The following DNM3 variants were observed in gnomAD, a reference collection of about 807,000 sequenced individuals.
DNM3 encodes dynamin-3.
In DNM3, 47 loss-of-function variants were observed where a neutral mutation model predicts 101.6. The ratio of observed to expected loss-of-function variants is 0.46; its 90% CI spans 0.37 to 0.59. The LOEUF is 0.59. Among genes scored for constraint, DNM3 ranks in the 20% least tolerant of loss-of-function variants. The pLI is 0.00. For synonymous variants in DNM3, 385 were observed against 387.9 expected, an observed-to-expected ratio of 0.99 and a Z score of 0.09; for missense variants, 849 against 1,085.7, an observed-to-expected ratio of 0.78 and a Z score of 3.06.
rs538016440 is a variant in DNM3 at position 172,334,992 on chromosome 1, C to T, written c.1893+11652C>T. 1.2e-4 allele frequency among the ~76,000 whole-genome samples: 18 copies of T among 152,112 alleles called. No individual in the cohort carries two copies. The South Asian group carries it at 1.9e-3, about 16-fold the overall frequency. ...TGTATTTGAGCAAGAGAACAAGATA[C>T]AAAAATAGACTCAGTAAGGAACAGT... On this transcript the variant is annotated intron_variant, in intron 17 of 20. Coordinates refer to ENST00000627582, the MANE Select transcript of DNM3 (RefSeq NM_015569.5).
chr1:172,308,533 T>A (rs772704427), intron 15 of DNM3, among the ~76,000 whole-genome samples, 195 bp from the exon 16 acceptor site: 154 of 152,186 alleles, frequency 1.0e-3, no homozygotes, highest in Admixed American at 3.2e-3. Flanking sequence ...TGTGATTTTT[T>A]AAAAAATTAT....
At chr1:172,373,589 TC>T (rs2068457774) in intron 17 of DNM3, among the ~76,000 whole-genome samples, 1 of 152,138 alleles carries the variant, frequency 6.6e-6, no homozygotes, top group African/African-American at 2.4e-5. Flanking sequence ...TAGTTGTTGA[TC>T]TTTAAGCAAT....
At chr1:171,952,471 G>A (rs1459012125) in intron 2 of DNM3, among the ~76,000 whole-genome samples, 1 of 152,128 alleles carries the variant, frequency 6.6e-6, no homozygotes, top group Non-Finnish European at 1.5e-5. Flanking sequence ...AGTCAGTTGT[G>A]TCTAAACTCT....
chr1:172,171,970 A>G (rs1231132753), intron 14 of DNM3, among the ~76,000 whole-genome samples: 2 of 151,686 alleles, frequency 1.3e-5, no homozygotes, highest in Non-Finnish European at 1.5e-5. Flanking sequence ...GCATCAAAGA[A>G]TGGGACTGGA....
chr1:172,370,588 T>C (rs1269476745), intron 17 of DNM3, among the ~76,000 whole-genome samples: 1 of 151,984 alleles, frequency 6.6e-6, no homozygotes, highest in Non-Finnish European at 1.5e-5. Context: ...GATTATTTTG[T>C]GCCAGGTACT....
intron 18 of DNM3, among the ~76,000 whole-genome samples, chr1:172,382,268 T>C (rs2068950785): frequency 6.6e-6 from 1 of 152,140 alleles, no homozygotes; most frequent in Admixed American, 6.6e-5. Context: ...GCTCAGGACT[T>C]TAAAGCTAAC....
chr1:172,047,020 G>T (rs2049864348), intron 9 of DNM3, among the ~76,000 whole-genome samples: 1 of 138,988 alleles, frequency 7.2e-6, no homozygotes, highest in African/African-American at 2.7e-5. Context: ...GTTATTATAT[G>T]CCTGTAAGAT....
chr1:172,236,023 T>C (rs1370450020), intron 14 of DNM3, among the ~76,000 whole-genome samples: 1 of 152,128 alleles, frequency 6.6e-6, no homozygotes, highest in Non-Finnish European at 1.5e-5. Context: ...CATTGTTAGC[T>C]ATTGGGGCCA....
At chr1:171,854,465 T>C (rs2033353292) in intron 1 of DNM3, among the ~76,000 whole-genome samples, 1 of 152,156 alleles carries the variant, frequency 6.6e-6, no homozygotes, top group Middle Eastern at 3.2e-3. Context: ...AGGTGCAGTG[T>C]TCTGGATGAT....
At chr1:172,233,115 G>A (rs1376236830) in intron 14 of DNM3, among the ~76,000 whole-genome samples, 3 of 152,116 alleles carry the variant, frequency 2.0e-5, no homozygotes, top group Non-Finnish European at 4.4e-5. Context: ...TTTTTGAAAA[G>A]ATCAACAAAA....
At chr1:172,058,790 A>G (rs2050876647) in intron 10 of DNM3, among the ~76,000 whole-genome samples, 1 of 151,784 alleles carries the variant, frequency 6.6e-6, no homozygotes, top group African/African-American at 2.4e-5. Flanking sequence ...AAAGAACTAG[A>G]AAAGCAAGAG....
intron 14 of DNM3, among the ~76,000 whole-genome samples, chr1:172,134,508 G>T (rs1240938965): frequency 6.6e-6 from 1 of 152,138 alleles, no homozygotes; most frequent in Non-Finnish European, 1.5e-5. Context: ...GAGTAACTTA[G>T]CCAGGTGCTA....
chr1:171,952,328 AT>A (rs1323115300), intron 2 of DNM3, among the ~76,000 whole-genome samples: 1 of 152,186 alleles, frequency 6.6e-6, no homozygotes. Flanking sequence ...GAGATAAAAC[AT>A]TTTGATTTTC....
intron 14 of DNM3, among the ~76,000 whole-genome samples, chr1:172,176,187 T>C (rs1159569924): frequency 3.3e-5 from 5 of 151,692 alleles, no homozygotes; most frequent in Admixed American, 1.3e-4. Context: ...AGGCAGTAGA[T>C]TCAGAGTTGA....
intron 4 of DNM3, among the ~76,000 whole-genome samples, chr1:171,999,151 G>A (rs778208961): frequency 6.6e-6 from 1 of 152,102 alleles, no homozygotes; most frequent in African/African-American, 2.4e-5. Flanking sequence ...ATGTAAGCAA[G>A]GAGACCAGTT....
intron 2 of DNM3, among the ~76,000 whole-genome samples, chr1:171,981,194 T>C (rs966608550): frequency 2.6e-5 from 4 of 152,222 alleles, no homozygotes; most frequent in African/African-American, 9.6e-5. Context: ...AGCCAGTGAA[T>C]TCAGCTTGTT....
chr1:172,412,515 A>ATTCT lies in DNM3; in HGVS notation c.*4677_*4680dup. ...AAGTAAAATCTTGTCTTCTCTGCTG[A>ATTCT]TTCTTTAATTAATATGAGCCGGATA... On this transcript the variant is annotated 3_prime_UTR_variant, in exon 21 of 21. Coordinates refer to ENST00000627582, the MANE Select transcript of DNM3 (RefSeq NM_015569.5). 1 of 985,676 alleles carries ATTCT rather than the reference A, an allele frequency of 1.0e-6. No individual in the cohort carries two copies. Among genetic ancestry groups the ATTCT allele is most frequent in the Non-Finnish European group, 1.2e-6 (1 of 829,886 alleles). 61.1% of individuals were successfully genotyped at this position (985,676 alleles called of 1,614,324 possible).
At chr1:172,413,649 C>CCTT (rs1447856915), downstream of DNM3, among the ~76,000 whole-genome samples, 1 of 152,102 alleles carries the variant, frequency 6.6e-6, no homozygotes, top group East Asian at 1.9e-4. Flanking sequence ...ATGACAAGTC[C>CCTT]CTTATCAATT....
intron 14 of DNM3, among the ~76,000 whole-genome samples, chr1:172,158,296 T>C (rs772351558): frequency 6.6e-6 from 1 of 151,806 alleles, no homozygotes; most frequent in Non-Finnish European, 1.5e-5. Flanking sequence ...CTGCTTAAGA[T>C]CTGAGTGGTA....
Sources: gnomAD v4.1 joint callset for allele counts (sites outside exome capture counted in the v4.1 genomes callset) on GRCh38, gnomAD v4.1.1 for gene constraint, MANE v1.5 for transcripts, NCBI Gene and HGNC (gene_info 2026-07-23, HGNC 2026-07-21) for gene names.